TMEM38B: variants seen among roughly 807,000 people sequenced by gnomAD.
TMEM38B encodes trimeric intracellular cation channel type B.
A neutral mutation model predicts 28.7 loss-of-function variants in TMEM38B; 24 were observed. The observed-to-expected ratio is 0.84, with a 90% CI of 0.61 to 1.18. TMEM38B has a LOEUF of 1.18. Among genes scored for constraint, TMEM38B ranks in the 50% most tolerant of loss-of-function variants. The pLI is 0.00. For missense variants in TMEM38B, 380 were observed against 350.9 expected, an observed-to-expected ratio of 1.08 and a Z score of -0.66; for synonymous variants, 131 against 127.7, an observed-to-expected ratio of 1.03 and a Z score of -0.17.
chr9:105,776,393 C>T lies in TMEM38B; in HGVS notation c.*2313C>T, dbSNP rs1044877414. On this transcript the variant is annotated 3_prime_UTR_variant, in exon 6 of 6. Transcript: ENST00000374692. Reference sequence around the variant, plus strand: ...GTTGGCTTTCAGTGGAAATGGTAGCCTCCCTGTGGGTAGAGACCAAAAGGT... The same window carrying T: ...GTTGGCTTTCAGTGGAAATGGTAGCTTCCCTGTGGGTAGAGACCAAAAGGT... 3 of 152,068 alleles carry T rather than the reference C, an allele frequency of 2.0e-5. No homozygotes were observed. Among genetic ancestry groups the T allele is most frequent in the Admixed American group, 6.6e-5 (1 of 15,254 alleles). 9.4% of individuals were successfully genotyped at this position (152,068 alleles called of 1,614,324 possible). A position where few individuals can be genotyped will look rare whatever the true frequency, so the allele number is the denominator to read the frequency against.
intron 4 of TMEM38B, among the ~76,000 whole-genome samples, chr9:105,726,195 A>G (rs534065161): frequency 6.6e-6 from 1 of 152,126 alleles, no homozygotes; most frequent in African/African-American, 2.4e-5. Flanking sequence ...TGTTAACTAT[A>G]TTGTACTACT....
intron 1 of TMEM38B, 126 bp downstream of exon 1, chr9:105,694,898 T>C: frequency 2.6e-6 from 2 of 776,516 alleles, no homozygotes; most frequent in East Asian, 2.7e-5. Context: ...AGTTCGATGG[T>C]AGAGTTGGAG....
chr9:105,739,725 A>G (rs946282095), intron 4 of TMEM38B, among the ~76,000 whole-genome samples: 51 of 151,920 alleles, frequency 3.4e-4, no homozygotes, highest in African/African-American at 1.1e-3. Flanking sequence ...GCGTTTCACC[A>G]TGTTGGCCAG....
chr9:105,717,840 A>G lies in TMEM38B; in HGVS notation c.270-3697A>G, dbSNP rs548608997. 2.6e-5 allele frequency among the ~76,000 whole-genome samples: 4 copies of G among 152,326 alleles called. No individual in the cohort carries two copies. The East Asian group carries it at 7.7e-4, about 29-fold the overall frequency. On this transcript the variant is annotated intron_variant, in intron 2 of 5. Coordinates refer to ENST00000374692, the MANE Select transcript of TMEM38B (RefSeq NM_018112.3). ...GTGTTTAGTTAGGCATTACAAAACA[A>G]CAATAATAGCAATTACATAGCATTT... is the stretch of plus-strand genomic sequence containing the variant.
At chr9:105,713,320 C>T (rs1471866594) in intron 2 of TMEM38B, among the ~76,000 whole-genome samples, 1 of 152,230 alleles carries the variant, frequency 6.6e-6, no homozygotes, top group Non-Finnish European at 1.5e-5. Flanking sequence ...GGCATACCTG[C>T]ACTCTTGTGG....
intron 4 of TMEM38B, among the ~76,000 whole-genome samples, chr9:105,739,159 G>A (rs1837094016): frequency 6.6e-6 from 1 of 152,148 alleles, no homozygotes; most frequent in Non-Finnish European, 1.5e-5. Flanking sequence ...AATCAACTGA[G>A]CATAGATGTA....
At position 105,703,666 on chromosome 9, in the gene TMEM38B, A is replaced by G. The variant is rs866383641; in HGVS notation, c.113-1931A>G. On this transcript the variant is annotated intron_variant, in intron 1 of 5. Transcript: ENST00000374692. ...TGAACTAGTTTACAGTCCCACCAAC[A>G]GTGTAAAAGTGTTCCTATTTCTCCA... Among the ~76,000 whole-genome samples the G allele has an allele frequency of 7.8e-3, 1,192 of 152,116 alleles. 9 individuals carry two copies. The highest frequency in any genetic ancestry group is 0.027 in the African/African-American group (1,111 of 41,432).
intron 5 of TMEM38B, among the ~76,000 whole-genome samples, chr9:105,755,786 T>C (rs1055188210): frequency 1.3e-5 from 2 of 152,240 alleles, no homozygotes; most frequent in African/African-American, 4.8e-5. Flanking sequence ...ATTTTATTCT[T>C]CTTTGATTTT....
At chr9:105,759,527 G>C in intron 5 of TMEM38B, 1 of 1,572,186 alleles carries the variant, frequency 6.4e-7, no homozygotes, top group Non-Finnish European at 8.7e-7. Context: ...AATTTAATAG[G>C]GTTAAGTGGT....
intron 4 of TMEM38B, among the ~76,000 whole-genome samples, chr9:105,746,209 A>G (rs1414623513): frequency 5.4e-5 from 8 of 148,966 alleles, no homozygotes; most frequent in Non-Finnish European, 1.0e-4. Context: ...CTTCCTACTC[A>G]TGAGCATGGA....
chr9:105,731,487 T>C (rs902266404), intron 4 of TMEM38B, among the ~76,000 whole-genome samples: 2 of 152,046 alleles, frequency 1.3e-5, no homozygotes, highest in Non-Finnish European at 2.9e-5. Flanking sequence ...CCCTGGTCTG[T>C]GAGGTTCCCC....
chr9:105,719,743 A>G (rs1410811935), intron 2 of TMEM38B, among the ~76,000 whole-genome samples: 1 of 152,138 alleles, frequency 6.6e-6, no homozygotes, highest in Non-Finnish European at 1.5e-5. Flanking sequence ...TGCTATTGTA[A>G]TAGTATAGGT....
At chr9:105,719,523 T>TAA (rs1836244778) in intron 2 of TMEM38B, among the ~76,000 whole-genome samples, 1 of 152,176 alleles carries the variant, frequency 6.6e-6, no homozygotes, top group African/African-American at 2.4e-5. Context: ...CTGATATGTT[T>TAA]ACTTGTAAGT....
Position 105,694,627 on chromosome 9 carries a change from G to A in TMEM38B, c.-34G>A, listed in dbSNP as rs1183403304. 1 of 1,584,678 alleles carries A rather than the reference G, an allele frequency of 6.3e-7. No homozygotes were observed. Among genetic ancestry groups the A allele is most frequent in the Admixed American group, 1.7e-5 (1 of 59,886 alleles). The stretch of plus-strand genomic sequence containing the variant: ...GCGCGAGCGCGGGGAACCAGTAGCC[G>A]CGGCTGCTTCGGTTGCCGCGGTCGG... On this transcript the variant is annotated 5_prime_UTR_variant, in exon 1 of 6. Transcript: ENST00000374692.
intron 2 of TMEM38B, chr9:105,710,683 T>C: frequency 2.9e-6 from 2 of 693,210 alleles, no homozygotes; most frequent in Non-Finnish European, 5.5e-6. Flanking sequence ...TATAGGATCA[T>C]AACGACCAAA....
intron 5 of TMEM38B, among the ~76,000 whole-genome samples, chr9:105,751,773 A>G (rs965130402): frequency 2.6e-5 from 4 of 152,184 alleles, no homozygotes; most frequent in African/African-American, 9.7e-5. Flanking sequence ...GGAGAATACA[A>G]ACAGTCCAGA....
chr9:105,696,950 A>T (rs534622952), intron 1 of TMEM38B, among the ~76,000 whole-genome samples: 4 of 152,368 alleles, frequency 2.6e-5, no homozygotes, highest in African/African-American at 9.6e-5. Context: ...TTTAGCCGCC[A>T]CAACTATTTA....
chr9:105,747,666 G>A (rs976928186), intron 4 of TMEM38B, among the ~76,000 whole-genome samples: 3 of 152,138 alleles, frequency 2.0e-5, no homozygotes, highest in African/African-American at 7.2e-5. Context: ...TAATTGTGAT[G>A]TTAGGGTGTC....
chr9:105,699,252 A>G (rs1835382799), intron 1 of TMEM38B, among the ~76,000 whole-genome samples: 1 of 152,140 alleles, frequency 6.6e-6, no homozygotes, highest in Non-Finnish European at 1.5e-5. Flanking sequence ...TCCTACTCCA[A>G]CACCACTTCT....
Sources: allele counts gnomAD v4.1 joint callset (sites outside exome capture counted in the v4.1 genomes callset), GRCh38; gene constraint gnomAD v4.1.1; transcripts MANE v1.5; gene names NCBI Gene and HGNC (gene_info 2026-07-23, HGNC 2026-07-21).